Variants in BMPER observed in about 807,000 individuals in gnomAD.
BMPER encodes the protein BMP-binding endothelial regulator protein.
A neutral mutation model predicts 87.3 loss-of-function variants in BMPER; 45 were observed. That is an observed-to-expected ratio of 0.52 (90% CI 0.41 to 0.66). The LOEUF is 0.66. BMPER is among the 30% of genes least tolerant of loss of function. The probability of loss-of-function intolerance (pLI) is 0.00; values close to 1 mark genes in which losing one functional copy is unlikely to be tolerated. For missense variants in BMPER, 784 were observed against 867.5 expected (o/e 0.90, Z 1.21); for synonymous variants, 326 against 316.2 (o/e 1.03, Z -0.33).
At chr7:34,057,761 A>G (rs1422397220) in intron 9 of BMPER, among the ~76,000 whole-genome samples, 1 of 152,160 alleles carries the variant, frequency 6.6e-6, no homozygotes, top group East Asian at 1.9e-4. Context: ...TAAGTAAACA[A>G]TGCATGACAA....
chr7:34,023,304 C>A (rs1010335021), intron 6 of BMPER, among the ~76,000 whole-genome samples: 1 of 152,074 alleles, frequency 6.6e-6, no homozygotes, highest in African/African-American at 2.4e-5. Flanking sequence ...TAACCCTGGA[C>A]TGTGAAAGAA....
At chr7:33,909,087 A>G (rs184728802) in intron 2 of BMPER, among the ~76,000 whole-genome samples, 2 of 152,322 alleles carry the variant, frequency 1.3e-5, no homozygotes, top group Admixed American at 6.5e-5. Flanking sequence ...ATTTATGTGT[A>G]CTATTTTTAT....
intron 6 of BMPER, among the ~76,000 whole-genome samples, chr7:33,994,545 G>A (rs1014717857): frequency 5.3e-5 from 8 of 152,174 alleles, no homozygotes; most frequent in Non-Finnish European, 8.8e-5. Flanking sequence ...AGATGAACCC[G>A]GTGCCTCAGA....
At chr7:33,913,941 T>C (rs1055134726) in intron 2 of BMPER, among the ~76,000 whole-genome samples, 2 of 151,742 alleles carry the variant, frequency 1.3e-5, no homozygotes, top group African/African-American at 4.8e-5. Context: ...GATAGTAATG[T>C]ATGCTCAGTT....
At chr7:34,150,023 A>G (rs1791132215) in intron 14 of BMPER, among the ~76,000 whole-genome samples, 1 of 152,174 alleles carries the variant, frequency 6.6e-6, no homozygotes, top group South Asian at 2.1e-4. Context: ...GAGATGGGGC[A>G]GAAAAGAAGA....
At chr7:34,045,951 A>G (rs887790555) in intron 6 of BMPER, among the ~76,000 whole-genome samples, 1 of 152,164 alleles carries the variant, frequency 6.6e-6, no homozygotes, top group Admixed American at 6.5e-5. Flanking sequence ...TTTGCATGAA[A>G]CTTTCCTGGT....
At chr7:34,135,827 C>T (rs1315718028) in intron 13 of BMPER, among the ~76,000 whole-genome samples, 1 of 152,018 alleles carries the variant, frequency 6.6e-6, no homozygotes, top group Non-Finnish European at 1.5e-5. Flanking sequence ...TCCATGAGTG[C>T]CTTCTTTTCA....
At chr7:34,084,046 G>A (rs952891755) in intron 12 of BMPER, among the ~76,000 whole-genome samples, 5 of 149,940 alleles carry the variant, frequency 3.3e-5, no homozygotes, top group Admixed American at 1.3e-4. Flanking sequence ...GCTCACGCCT[G>A]TAATCCCAGT....
At chr7:34,076,312 A>G (rs1004288670) in intron 11 of BMPER, among the ~76,000 whole-genome samples, 8 of 152,224 alleles carry the variant, frequency 5.3e-5, no homozygotes, top group African/African-American at 1.9e-4. Context: ...AAACAAAACA[A>G]AAAATAACAA....
At chr7:34,138,031 C>T (rs1294488631) in intron 13 of BMPER, among the ~76,000 whole-genome samples, 2 of 152,206 alleles carry the variant, frequency 1.3e-5, no homozygotes, top group South Asian at 4.1e-4. Flanking sequence ...GTAGTGTTCT[C>T]AATCCACTCT....
chr7:34,143,259 CA>C lies in BMPER; in HGVS notation c.1776del (p.Val593SerfsTer100). 1 of 1,613,988 alleles carries C rather than the reference CA, an allele frequency of 6.2e-7. No homozygotes were observed. Among genetic ancestry groups the C allele is most frequent in the Non-Finnish European group, 8.5e-7 (1 of 1,179,940 alleles). On this transcript the variant is annotated frameshift_variant, in exon 14 of 15. Coordinates refer to ENST00000649409, the MANE Select transcript of BMPER (RefSeq NM_001365308.1). LOFTEE classifies it high-confidence loss of function. ...TGTGTGACAGACATGTGTGAATGTC[CA>C]GTCCATAAAAACTGTTATTGCGAGT... is the stretch of plus-strand genomic sequence containing the variant. ...RSCVTDMCEC[P>X]VHKNCYCESF... is the part of the protein sequence containing the mutation.
chr7:34,101,030 C>G (rs1018858501), intron 13 of BMPER, among the ~76,000 whole-genome samples: 3 of 152,194 alleles, frequency 2.0e-5, no homozygotes, highest in African/African-American at 7.2e-5. Flanking sequence ...TGATCAGAAT[C>G]TGCAAATTTG....
intron 6 of BMPER, among the ~76,000 whole-genome samples, chr7:34,033,838 A>C (rs1415025394): frequency 6.6e-6 from 1 of 152,218 alleles, no homozygotes; most frequent in African/African-American, 2.4e-5. Flanking sequence ...TATTTAGGGT[A>C]CTTCTGGTAA....
At chr7:33,950,628 C>A (rs1784995097) in intron 3 of BMPER, among the ~76,000 whole-genome samples, 1 of 152,030 alleles carries the variant, frequency 6.6e-6, no homozygotes, top group South Asian at 2.1e-4. Context: ...GGCTTGTAGA[C>A]CCTTTTTAAG....
At chr7:34,104,197 A>T (rs570131308) in intron 13 of BMPER, among the ~76,000 whole-genome samples, 1 of 152,304 alleles carries the variant, frequency 6.6e-6, no homozygotes, top group South Asian at 2.1e-4. Context: ...AAAATTGATG[A>T]GTCGTCCCCC....
At chr7:33,986,831 C>G (rs941357710) in intron 6 of BMPER, among the ~76,000 whole-genome samples, 1 of 152,172 alleles carries the variant, frequency 6.6e-6, no homozygotes, top group Non-Finnish European at 1.5e-5. Flanking sequence ...ATTTCCAGAA[C>G]TTTCTGATCT....
At chr7:33,933,740 C>G (rs1784535735) in intron 2 of BMPER, among the ~76,000 whole-genome samples, 1 of 152,138 alleles carries the variant, frequency 6.6e-6, no homozygotes. Flanking sequence ...TCTGGAGCCA[C>G]CAGGAAGACA....
intron 11 of BMPER, among the ~76,000 whole-genome samples, chr7:34,073,435 T>C (rs1181074498): frequency 6.6e-6 from 1 of 152,194 alleles, no homozygotes; most frequent in African/African-American, 2.4e-5. Context: ...TAAATACATC[T>C]AAACATAGAA....
chr7:34,078,873 G>T lies in BMPER; in HGVS notation c.1095G>T (p.Thr365=). The change falls in exon 12 of 15, where the codon ACG becomes ACT. Residue 365 remains threonine (T), a synonymous_variant. Coordinates refer to ENST00000649409, the MANE Select transcript of BMPER (RefSeq NM_001365308.1). Reference sequence around the variant, plus strand: ...CCTCCGCAGAGCCCGGCGTTTGCACGGTGTTTGGAGATCCCCACTACAACA... The same window carrying T: ...CCTCCGCAGAGCCCGGCGTTTGCACTGTGTTTGGAGATCCCCACTACAACA... ...PICTEKPGVC[T]VFGDPHYNTF... The T allele has an allele frequency of 6.2e-7, 1 of 1,614,122 alleles. No individual in the cohort carries two copies. Among genetic ancestry groups the T allele is most frequent in the South Asian group, 1.1e-5 (1 of 91,074 alleles).
Sources: allele counts gnomAD v4.1 joint callset (sites outside exome capture counted in the v4.1 genomes callset), GRCh38; gene constraint gnomAD v4.1.1; transcripts MANE v1.5; gene names NCBI Gene and HGNC (gene_info 2026-07-23, HGNC 2026-07-21).